MYO5B: variants seen among roughly 807,000 people sequenced by gnomAD.
MYO5B encodes myosin VB.
MYO5B carries 143 observed loss-of-function variants against 229.3 expected under a neutral mutation model. That is an observed-to-expected ratio of 0.62 (90% CI 0.54 to 0.72). MYO5B has a LOEUF of 0.72. MYO5B is among the 30% of genes least tolerant of loss of function. MYO5B has a pLI of 0.00. For missense variants in MYO5B, 2,321 were observed against 2,331.0 expected (o/e 1.00, Z 0.09); for synonymous variants, 918 against 885.2 (o/e 1.04, Z -0.66).
At chr18:49,850,825 T>C (rs1176335855) in intron 31 of MYO5B, 1 of 152,712 alleles carries the variant, frequency 6.5e-6, no homozygotes, top group African/African-American at 2.4e-5. Context: ...CGTGTTCATA[T>C]AACCCTGTCC....
Position 49,856,829 on chromosome 18 carries a change from G to C in MYO5B, c.4006C>G (p.Leu1336Val), listed in dbSNP as rs563315102. ...ATGTTCCACCTGGCAACTTGCTTTA[G>C]GCCTTGGTAGGCCAAGCCGAGTTCT... is the stretch of plus-strand genomic sequence containing the variant. ...DGELGLAYQG[L>V]KQVARLLEAQ... Residue 1336 changes from leucine to valine, a missense_variant, in exon 30 of 40, where the codon CTA (leucine) becomes GTA (valine). By Grantham distance (32) the Leu-to-Val change is conservative (BLOSUM62 1). Coordinates refer to ENST00000285039, the MANE Select transcript of MYO5B (RefSeq NM_001080467.3). 1 of 1,613,966 alleles carries C rather than the reference G, an allele frequency of 6.2e-7. No homozygotes were observed. The highest frequency in any genetic ancestry group is 1.1e-5 in the South Asian group (1 of 91,072).
chr18:50,160,107 T>C (rs1272730195), intron 1 of MYO5B, among the ~76,000 whole-genome samples: 1 of 152,218 alleles, frequency 6.6e-6, no homozygotes, highest in African/African-American at 2.4e-5. Context: ...CAGTCAACAC[T>C]TCCCAGCGGA....
chr18:49,863,994 G>A (rs1456332402), intron 28 of MYO5B, 147 bp downstream of exon 28: 2 of 1,199,002 alleles, frequency 1.7e-6, no homozygotes, highest in Non-Finnish European at 1.2e-6. Context: ...CAAGGCTTTT[G>A]CTCTGCCTTT....
intron 1 of MYO5B, among the ~76,000 whole-genome samples, chr18:50,070,287 G>T (rs1032589124): frequency 2.0e-5 from 3 of 151,884 alleles, no homozygotes; most frequent in Non-Finnish European, 4.4e-5. Context: ...GCCTCCCAAA[G>T]TGCTGGGACT....
In MYO5B at chr18:49,844,936, G is replaced by A. The variant is rs1405649506; in HGVS notation, c.4460-1544C>T. 3.3e-5 allele frequency among the ~76,000 whole-genome samples: 5 copies of A among 152,340 alleles called. No individual in the cohort carries two copies. The East Asian group carries it at 9.6e-4, about 29-fold the overall frequency. ...CAACTGGCCAGTGCCAGGTACCTAAGAGGTAGGTGGTCGGCAGTCAAGTTT... is the reference window on the plus strand; with the variant it reads ...CAACTGGCCAGTGCCAGGTACCTAAAAGGTAGGTGGTCGGCAGTCAAGTTT... On this transcript the variant is annotated intron_variant, in intron 33 of 39. Transcript: ENST00000285039.
chr18:49,945,063 T>C (rs535361182), intron 14 of MYO5B, among the ~76,000 whole-genome samples: 7 of 152,352 alleles, frequency 4.6e-5, no homozygotes, highest in Non-Finnish European at 1.0e-4. Context: ...TTAGCAGTTC[T>C]GCTTCCTCTA....
chr18:50,105,635 CTTT>C (rs572686430), intron 1 of MYO5B, among the ~76,000 whole-genome samples: 1 of 145,954 alleles, frequency 6.9e-6, no homozygotes, highest in Non-Finnish European at 1.5e-5. Context: ...GGGTGCATTT[CTTT>C]TTTTTTTTCT....
At chr18:50,040,073 T>C (rs1003019559) in intron 3 of MYO5B, 70 bp downstream of exon 3, 2 of 1,513,222 alleles carry the variant, frequency 1.3e-6, no homozygotes, top group Non-Finnish European at 1.8e-6. Context: ...TCCTAAGCAT[T>C]TGAGTTGAGC....
intron 39 of MYO5B, among the ~76,000 whole-genome samples, chr18:49,833,349 C>G (rs905173780): frequency 1.3e-5 from 2 of 152,198 alleles, no homozygotes; most frequent in Admixed American, 1.3e-4. Flanking sequence ...TTGTCTTTAT[C>G]ACACATGTGA....
chr18:50,093,778 A>G (rs8085876), intron 1 of MYO5B, among the ~76,000 whole-genome samples: 5,762 of 151,366 alleles, frequency 0.038, 358 homozygotes, highest in African/African-American at 0.13. Flanking sequence ...TAAAAAAAAA[A>G]GAAAAAAGAA....
At chr18:49,992,259 C>T in intron 6 of MYO5B, 29 bp downstream of exon 6, 1 of 1,614,072 alleles carries the variant, frequency 6.2e-7, no homozygotes, top group Non-Finnish European at 8.5e-7. Context: ...ATGAGAAATA[C>T]ACAAAAGGGC....
rs186017057 is a variant in MYO5B at position 50,033,955 on chromosome 18, C to T, written c.455+2895G>A. On this transcript the variant is annotated intron_variant, in intron 4 of 39. Transcript: ENST00000285039. ...GGGAATAAAGATCTATACTTAGTCC[C>T]TCATGCTCTCACAGAGTCTCCACAC... Among the ~76,000 whole-genome samples the T allele has an allele frequency of 3.5e-3, 532 of 152,202 alleles. 1 individual carries two copies. Among genetic ancestry groups the T allele is most frequent in the Non-Finnish European group, 5.7e-3 (389 of 67,996 alleles).
chr18:49,924,465 C>T (rs931080731), intron 17 of MYO5B, among the ~76,000 whole-genome samples: 2 of 152,310 alleles, frequency 1.3e-5, no homozygotes, highest in East Asian at 3.9e-4. Context: ...TGAATCCAGG[C>T]CTGACTCCAA....
At chr18:49,933,248 C>G (rs1301415874) in intron 16 of MYO5B, among the ~76,000 whole-genome samples, 1 of 152,200 alleles carries the variant, frequency 6.6e-6, no homozygotes, top group Non-Finnish European at 1.5e-5. Context: ...CTCCACAAAG[C>G]GTTCCCAGGT....
intron 4 of MYO5B, among the ~76,000 whole-genome samples, chr18:50,016,293 C>T (rs561625530): frequency 6.6e-6 from 1 of 152,176 alleles, no homozygotes; most frequent in Non-Finnish European, 1.5e-5. Context: ...CCTGTGTGAA[C>T]CCAATTCCTA....
At chr18:50,104,330 A>G (rs1322643122) in intron 1 of MYO5B, among the ~76,000 whole-genome samples, 2 of 149,632 alleles carry the variant, frequency 1.3e-5, no homozygotes, top group Non-Finnish European at 3.0e-5. Flanking sequence ...GAACATCCTC[A>G]TATTCTTTGA....
At chr18:50,186,071 AAATAAC>A (rs1455200870) in intron 1 of MYO5B, among the ~76,000 whole-genome samples, 1 of 152,254 alleles carries the variant, frequency 6.6e-6, no homozygotes. Context: ...GCCAATATAT[AAATAAC>A]AATCACTTCA....
intron 16 of MYO5B, among the ~76,000 whole-genome samples, chr18:49,931,729 C>A (rs1277702302): frequency 2.0e-5 from 3 of 152,186 alleles, no homozygotes; most frequent in East Asian, 3.8e-4. Context: ...CCCATGACTG[C>A]GAGTGATCAG....
intron 15 of MYO5B, 73 bp from the exon 16 acceptor site, chr18:49,936,422 T>C (rs990291063): frequency 1.1e-5 from 12 of 1,044,356 alleles, no homozygotes; most frequent in Non-Finnish European, 1.8e-5. Flanking sequence ...AACTCATATA[T>C]GGGTGGCGGT....
Sources: allele counts gnomAD v4.1 joint callset (sites outside exome capture counted in the v4.1 genomes callset), GRCh38; gene constraint gnomAD v4.1.1; transcripts MANE v1.5; gene names NCBI Gene and HGNC (gene_info 2026-07-23, HGNC 2026-07-21).